Variants in PTPN14 observed in about 807,000 individuals in gnomAD.
PTPN14 encodes tyrosine-protein phosphatase non-receptor type 14.
A neutral mutation model predicts 126.8 loss-of-function variants in PTPN14; 53 were observed. The ratio of observed to expected loss-of-function variants is 0.42; its 90% CI spans 0.34 to 0.53. The LOEUF (loss-of-function observed/expected upper bound fraction) is 0.53, where lower values mean the gene tolerates loss of function less well. PTPN14 is among the 20% of genes least tolerant of loss of function. The probability of loss-of-function intolerance (pLI) is 0.08; values close to 1 mark genes in which losing one functional copy is unlikely to be tolerated. For synonymous variants in PTPN14, 630 were observed against 599.3 expected (o/e 1.05, Z -0.75); for missense variants, 1,257 against 1,552.9 (o/e 0.81, Z 3.20).
chr1:214,529,075 G>A (rs1294978897), intron 1 of PTPN14: 2 of 152,122 alleles, frequency 1.3e-5, no homozygotes, highest in Admixed American at 6.5e-5. Flanking sequence ...GGCCAAGGTG[G>A]GAAAATTACT....
intron 1 of PTPN14, chr1:214,528,607 G>C (rs1655459219): frequency 6.6e-6 from 1 of 152,096 alleles, no homozygotes; most frequent in Admixed American, 6.6e-5. Flanking sequence ...TAGGGTAATT[G>C]GTTTTAATAT....
chr1:214,366,735 G>A (rs891590356), intron 17 of PTPN14, among the ~76,000 whole-genome samples: 7 of 152,052 alleles, frequency 4.6e-5, no homozygotes, highest in Non-Finnish European at 7.4e-5. Flanking sequence ...GGCCGGGCGC[G>A]GTGGCTCACG....
chr1:214,482,698 C>G (rs1263823929), intron 1 of PTPN14: 2 of 1,154,026 alleles, frequency 1.7e-6, no homozygotes, highest in African/African-American at 3.1e-5. Context: ...GACTTAAATC[C>G]AAGAGCAAAA....
chr1:214,409,035 T>C (rs758201395), intron 5 of PTPN14, among the ~76,000 whole-genome samples: 1 of 152,246 alleles, frequency 6.6e-6, no homozygotes, highest in Non-Finnish European at 1.5e-5. Flanking sequence ...CATGTATATA[T>C]TGTGGAATTG....
At chr1:214,427,273 T>A (rs1389286666) in intron 3 of PTPN14, among the ~76,000 whole-genome samples, 2 of 58,194 alleles carry the variant, frequency 3.4e-5, no homozygotes, top group African/African-American at 6.7e-5. Flanking sequence ...TGAGTCTCCA[T>A]CTCAAAAAAA....
chr1:214,449,136 A>G lies in PTPN14; in HGVS notation c.344+2669T>C, dbSNP rs1202735571. On this transcript the variant is annotated intron_variant, in intron 3 of 18. Coordinates refer to ENST00000366956, the MANE Select transcript of PTPN14 (RefSeq NM_005401.5). ...ATTCTCCTGCCTCAGCCTCCCGAGT[A>G]GCTGGGACTACAGGCGCCCACCACC... Among the ~76,000 whole-genome samples, 56 of 148,780 alleles carry G rather than the reference A, an allele frequency of 3.8e-4. 4 individuals are homozygous for G. Among genetic ancestry groups the G allele is most frequent in the Non-Finnish European group, 4.4e-5 (3 of 67,572 alleles).
rs116652465 is a variant in PTPN14, at chr1:214,378,412, A to C, written c.2545-310T>G. On this transcript the variant is annotated intron_variant, in intron 13 of 18. Transcript: ENST00000366956. ...ACAAAACAAAAACAAAATAGGGTAC[A>C]TGCGATACACTTTAGAAAGGTAAAG... 9.3e-3 allele frequency among the ~76,000 whole-genome samples: 1,424 copies of C among 152,368 alleles called. 12 individuals carry two copies. The highest frequency in any genetic ancestry group is 0.014 in the Non-Finnish European group (981 of 68,028).
chr1:214,412,712 C>G (rs537993112), intron 4 of PTPN14, among the ~76,000 whole-genome samples: 1 of 152,288 alleles, frequency 6.6e-6, no homozygotes, highest in South Asian at 2.1e-4. Flanking sequence ...AAGGTTTCAT[C>G]AGACTGAACA....
intron 9 of PTPN14, among the ~76,000 whole-genome samples, chr1:214,393,997 T>C (rs900714471): frequency 1.3e-5 from 2 of 152,138 alleles, no homozygotes; most frequent in African/African-American, 4.8e-5. Context: ...TGCTAAGGAA[T>C]CCCTATGCCC....
chr1:214,496,676 C>G (rs1335883235), intron 1 of PTPN14, among the ~76,000 whole-genome samples: 1 of 152,164 alleles, frequency 6.6e-6, no homozygotes, highest in East Asian at 1.9e-4. Flanking sequence ...CCAGAGAACA[C>G]TATTAGAAAC....
intron 1 of PTPN14, among the ~76,000 whole-genome samples, chr1:214,492,677 G>A (rs1661276659): frequency 2.0e-5 from 3 of 152,258 alleles, no homozygotes; most frequent in Middle Eastern, 3.4e-3. Context: ...GGAGGCCATG[G>A]CAGGTGGATC....
intron 1 of PTPN14, among the ~76,000 whole-genome samples, chr1:214,495,508 G>T (rs760713278): frequency 7.9e-5 from 12 of 152,086 alleles, no homozygotes; most frequent in Non-Finnish European, 1.6e-4. Flanking sequence ...ATAACAATTG[G>T]TCAGAAAATC....
At chr1:214,448,154 T>C (rs1248849232) in intron 3 of PTPN14, among the ~76,000 whole-genome samples, 1 of 152,200 alleles carries the variant, frequency 6.6e-6, no homozygotes, top group Non-Finnish European at 1.5e-5. Flanking sequence ...AAATCTAAAA[T>C]TGTAAAGAGT....
At position 214,352,448 on chromosome 1, in the gene PTPN14, CT is replaced by C. The variant is rs1657724946; in HGVS notation, c.*5473del. The C allele has an allele frequency of 6.6e-6, 1 of 152,228 alleles. No homozygotes were observed. 9.4% of individuals were successfully genotyped at this position (152,228 alleles called of 1,614,324 possible). A position where few individuals can be genotyped will look rare whatever the true frequency, so the allele number is the denominator to read the frequency against. ...TGGTGGTCAAGTTTCACAGGGCCCC[CT>C]GAATAACACTGACTTCTGGACAACA... is the stretch of plus-strand genomic sequence containing the variant. On this transcript the variant is annotated 3_prime_UTR_variant, in exon 19 of 19. Transcript: ENST00000366956.
intron 3 of PTPN14, among the ~76,000 whole-genome samples, chr1:214,431,686 C>T (rs1311335242): frequency 6.6e-6 from 1 of 152,140 alleles, no homozygotes; most frequent in Admixed American, 6.6e-5. Flanking sequence ...AGGCTTGGAT[C>T]ACAGCTCTGT....
chr1:214,418,513 A>G (rs558088780), intron 3 of PTPN14, among the ~76,000 whole-genome samples: 166 of 152,372 alleles, frequency 1.1e-3, no homozygotes, highest in Non-Finnish European at 2.1e-3. Flanking sequence ...GAACAACCAC[A>G]GGGATGAAGG....
At chr1:214,374,399 A>T (rs1658292564) in intron 15 of PTPN14, among the ~76,000 whole-genome samples, 1 of 152,226 alleles carries the variant, frequency 6.6e-6, no homozygotes, top group Admixed American at 6.5e-5. Context: ...GATTTTAAAC[A>T]TTAGCCTCTC....
chr1:214,469,604 T>C (rs1303431246), intron 1 of PTPN14, among the ~76,000 whole-genome samples: 3 of 152,158 alleles, frequency 2.0e-5, no homozygotes, highest in Non-Finnish European at 4.4e-5. Context: ...ATTTTCCTAA[T>C]AAAAACTGTT....
intron 2 of PTPN14, among the ~76,000 whole-genome samples, chr1:214,462,256 T>C (rs917007629): frequency 6.6e-6 from 1 of 152,154 alleles, no homozygotes; most frequent in Non-Finnish European, 1.5e-5. Flanking sequence ...ATGCACTGCT[T>C]TATTCTTTGT....
Sources: gnomAD v4.1 joint callset for allele counts (sites outside exome capture counted in the v4.1 genomes callset) on GRCh38, gnomAD v4.1.1 for gene constraint, MANE v1.5 for transcripts, NCBI Gene and HGNC (gene_info 2026-07-23, HGNC 2026-07-21) for gene names.